The following CDH18 variants were observed in gnomAD, a reference collection of about 807,000 sequenced individuals.
CDH18 encodes the protein cadherin 18.
Under a neutral mutation model 67.9 loss-of-function variants are expected in CDH18, and 31 were observed. That is an observed-to-expected ratio of 0.46 (90% CI 0.34 to 0.62). The LOEUF (loss-of-function observed/expected upper bound fraction) is 0.62, where lower values mean the gene tolerates loss of function less well. Ranked by LOEUF, CDH18 falls within the 20% of genes least tolerant of loss-of-function variation. The probability of loss-of-function intolerance (pLI) is 0.01; values close to 1 mark genes in which losing one functional copy is unlikely to be tolerated. For missense variants in CDH18, 890 were observed against 975.5 expected, an observed-to-expected ratio of 0.91 and a Z score of 1.17; for synonymous variants, 362 against 347.2, an observed-to-expected ratio of 1.04 and a Z score of -0.48.
In CDH18 at chr5:20,107,084, C is replaced by CTT. The variant is rs34482408; in HGVS notation, c.-517-115072_-517-115071dup. ...GCACTTAAGTTCCTTTTATAACTTT[C>CTT]TTTTTTTTTTTTTTGAGACGGAGTC... On this transcript the variant is annotated intron_variant, in intron 2 of 14. Coordinates refer to the CDH18 transcript ENST00000507958. 8.6e-3 allele frequency among the ~76,000 whole-genome samples: 1,237 copies of CTT among 143,362 alleles called. 10 individuals are homozygous for CTT. The highest frequency in any genetic ancestry group is 0.015 in the Middle Eastern group (4 of 274). The allele number at this position is 143,362 out of a possible 152,430, so 94.1% of individuals were successfully genotyped here. A position where few individuals can be genotyped will look rare whatever the true frequency, so the allele number is the denominator to read the frequency against.
At chr5:20,346,878 T>C (rs980432889) in intron 1 of CDH18, among the ~76,000 whole-genome samples, 6 of 152,132 alleles carry the variant, frequency 3.9e-5, no homozygotes, top group Non-Finnish European at 8.8e-5. Flanking sequence ...GGTTTTAAGG[T>C]CCTCCAAATG....
chr5:19,537,477 C>T (rs191349306), intron 9 of CDH18, among the ~76,000 whole-genome samples: 1 of 152,202 alleles, frequency 6.6e-6, no homozygotes, highest in African/African-American at 2.4e-5. Flanking sequence ...CACACACACA[C>T]ACCCACGCAT....
upstream of CDH18, chr5:19,992,091 CAAG>C (rs1360662672): frequency 6.7e-6 from 1 of 149,598 alleles, no homozygotes; most frequent in Non-Finnish European, 1.5e-5. Context: ...AGACATCTAT[CAAG>C]AAGGTTTCAA....
intron 8 of CDH18, among the ~76,000 whole-genome samples, chr5:19,556,448 A>G (rs1424353030): frequency 6.6e-6 from 1 of 152,204 alleles, no homozygotes; most frequent in Non-Finnish European, 1.5e-5. Flanking sequence ...ACTTCTGGAA[A>G]TCAATGACAT....
intron 1 of CDH18, among the ~76,000 whole-genome samples, chr5:20,556,395 G>C (rs1313118093): frequency 6.6e-6 from 1 of 152,166 alleles, no homozygotes; most frequent in Non-Finnish European, 1.5e-5. Context: ...TTGCAAAGGG[G>C]TCAAAGATAT....
intron 2 of CDH18, among the ~76,000 whole-genome samples, chr5:19,918,112 C>T (rs1792029135): frequency 6.6e-6 from 1 of 151,706 alleles, no homozygotes; most frequent in Non-Finnish European, 1.5e-5. Flanking sequence ...ATCTTTCAGG[C>T]AAAGTGAATT....
At chr5:20,337,525 T>C (rs1259416963) in intron 1 of CDH18, among the ~76,000 whole-genome samples, 1 of 152,170 alleles carries the variant, frequency 6.6e-6, no homozygotes, top group Admixed American at 6.5e-5. Context: ...CCAGTCTCTT[T>C]GCTAAAACAT....
intron 1 of CDH18, among the ~76,000 whole-genome samples, chr5:20,564,649 T>A (rs1561136004): frequency 6.6e-6 from 1 of 152,144 alleles, no homozygotes; most frequent in African/African-American, 2.4e-5. Flanking sequence ...TATTGTCTGT[T>A]CCCTTTTGCA....
chr5:19,570,597 G>T (rs1741222609), intron 8 of CDH18, among the ~76,000 whole-genome samples: 1 of 152,044 alleles, frequency 6.6e-6, no homozygotes, highest in African/African-American at 2.4e-5. Flanking sequence ...GTAAAAATTA[G>T]AAAGATTATT....
At chr5:20,526,937 G>A (rs182631596) in intron 1 of CDH18, among the ~76,000 whole-genome samples, 70 of 152,190 alleles carry the variant, frequency 4.6e-4, no homozygotes, top group African/African-American at 1.6e-3. Context: ...TGGACAAACC[G>A]ACAGAAGTAG....
rs545555052 is a variant in CDH18, at chr5:20,396,919, G to A, written c.-579-141414C>T. Among the ~76,000 whole-genome samples the A allele has an allele frequency of 7.2e-5, 11 of 152,066 alleles. No homozygotes were observed. The East Asian group carries it at 1.5e-3, about 21-fold the overall frequency. On this transcript the variant is annotated intron_variant, in intron 1 of 14. Coordinates refer to the CDH18 transcript ENST00000507958. ...TTATTAAAATGCTGCATGTACTATCGGAATTAAAAAGTTATCCAATATCTA... is the reference window on the plus strand; with the variant it reads ...TTATTAAAATGCTGCATGTACTATCAGAATTAAAAAGTTATCCAATATCTA...
chr5:20,104,798 T>C (rs962358219), intron 2 of CDH18, among the ~76,000 whole-genome samples: 4 of 152,100 alleles, frequency 2.6e-5, no homozygotes, highest in African/African-American at 9.7e-5. Context: ...CTGTGTATTC[T>C]ATTAAAATTG....
At chr5:19,753,921 C>A (rs1158998046) in intron 3 of CDH18, among the ~76,000 whole-genome samples, 1 of 151,980 alleles carries the variant, frequency 6.6e-6, no homozygotes, top group East Asian at 1.9e-4. Context: ...TTCAGAAAAA[C>A]AAATGCTGAG....
chr5:19,653,664 G>A (rs929459846), intron 5 of CDH18, among the ~76,000 whole-genome samples: 3 of 152,208 alleles, frequency 2.0e-5, no homozygotes, highest in Non-Finnish European at 1.5e-5. Context: ...ATCCCCCCAG[G>A]CCATCTCATT....
At chr5:19,851,879 C>A (rs879305519) in intron 2 of CDH18, among the ~76,000 whole-genome samples, 4 of 148,516 alleles carry the variant, frequency 2.7e-5, no homozygotes, top group African/African-American at 7.8e-5. Flanking sequence ...GAAAGCCAGC[C>A]TTTTAGTTCA....
rs117042815 is a variant in CDH18 at position 19,819,353 on chromosome 5, A to T, written c.228+19406T>A. ...ATAAGATGGCCAACTAGACACAGCC[A>T]GGAGATGTCTCTTCCAACAAGAGAA... On this transcript the variant is annotated intron_variant, in intron 3 of 12. Coordinates refer to ENST00000382275, the MANE Select transcript of CDH18 (RefSeq NM_004934.5). 4.7e-3 allele frequency among the ~76,000 whole-genome samples: 714 copies of T among 152,346 alleles called. 16 individuals are homozygous for T. The highest frequency in any genetic ancestry group is 0.034 in the Admixed American group (521 of 15,286).
chr5:20,494,504 T>G (rs2126405115), intron 1 of CDH18, among the ~76,000 whole-genome samples: 1 of 152,246 alleles, frequency 6.6e-6, no homozygotes, highest in Non-Finnish European at 1.5e-5. Context: ...TTTTTCTATC[T>G]CAAAACTGTC....
intron 5 of CDH18, 57 bp from the exon 6 acceptor site, chr5:19,612,658 A>C: frequency 8.1e-7 from 1 of 1,227,674 alleles, no homozygotes; most frequent in South Asian, 1.3e-5. Context: ...AAGTATCAAC[A>C]AACATACACA....
At chr5:19,506,757 GA>G (rs1273803261) in intron 10 of CDH18, among the ~76,000 whole-genome samples, 1 of 152,134 alleles carries the variant, frequency 6.6e-6, no homozygotes, top group Non-Finnish European at 1.5e-5. Context: ...ATTAATTCAA[GA>G]TGGATTAAAG....
Sources: allele counts gnomAD v4.1 joint callset (sites outside exome capture counted in the v4.1 genomes callset), GRCh38; gene constraint gnomAD v4.1.1; transcripts MANE v1.5; gene names NCBI Gene and HGNC (gene_info 2026-07-23, HGNC 2026-07-21).